Variants in OSBPL9 observed in about 807,000 individuals in gnomAD.
OSBPL9 encodes the protein oxysterol binding protein like 9.
A neutral mutation model predicts 106.6 loss-of-function variants in OSBPL9; 40 were observed. The ratio of observed to expected loss-of-function variants is 0.38; its 90% CI spans 0.29 to 0.49. The LOEUF (loss-of-function observed/expected upper bound fraction) is 0.49, where lower values mean the gene tolerates loss of function less well. Among genes scored for constraint, OSBPL9 ranks in the 20% least tolerant of loss-of-function variants. The pLI is 0.97. For missense variants in OSBPL9, 609 were observed against 887.2 expected, an observed-to-expected ratio of 0.69 and a Z score of 3.98; for synonymous variants, 269 against 295.4, an observed-to-expected ratio of 0.91 and a Z score of 0.92.
upstream of OSBPL9, among the ~76,000 whole-genome samples, chr1:51,574,345 C>T (rs776414166): frequency 2.6e-5 from 4 of 152,156 alleles, no homozygotes; most frequent in Non-Finnish European, 4.4e-5. Flanking sequence ...ACAGGCCGGG[C>T]GCGGTGGCTC....
chr1:51,643,736 C>T (rs895733927), intron 1 of OSBPL9, among the ~76,000 whole-genome samples: 22 of 151,652 alleles, frequency 1.5e-4, no homozygotes, highest in Non-Finnish European at 2.5e-4. Context: ...ACTCCTGGCT[C>T]CTGTGTGGAG....
chr1:51,679,658 C>G (rs1652076181), intron 3 of OSBPL9, among the ~76,000 whole-genome samples: 2 of 152,234 alleles, frequency 1.3e-5, no homozygotes, highest in African/African-American at 4.8e-5. Context: ...GGGTGTGAAT[C>G]ATCCTTTTGT....
At chr1:51,670,609 T>C (rs931353439) in intron 3 of OSBPL9, among the ~76,000 whole-genome samples, 4 of 152,184 alleles carry the variant, frequency 2.6e-5, no homozygotes, top group Non-Finnish European at 4.4e-5. Flanking sequence ...CCTAAACCAG[T>C]GTACTCAATA....
At chr1:51,680,441 T>G (rs1174458305) in intron 3 of OSBPL9, among the ~76,000 whole-genome samples, 2 of 151,206 alleles carry the variant, frequency 1.3e-5, no homozygotes, top group Admixed American at 1.3e-4. Flanking sequence ...GATCACTTGA[T>G]CCCAGGAGTT....
At chr1:51,658,670 C>A (rs1283329098) in intron 2 of OSBPL9, among the ~76,000 whole-genome samples, 1 of 152,042 alleles carries the variant, frequency 6.6e-6, no homozygotes, top group Non-Finnish European at 1.5e-5. Flanking sequence ...CAAGAGAGGT[C>A]GGTGGTGCAC....
chr1:51,646,847 C>A lies in OSBPL9; in HGVS notation c.112-5144C>A, dbSNP rs188108763. Among the ~76,000 whole-genome samples the A allele has an allele frequency of 6.8e-4, 104 of 152,190 alleles. 1 individual carries two copies. The highest frequency in any genetic ancestry group is 1.2e-3 in the South Asian group (6 of 4,820). ...ATTGCACCCAGCCCCCTAGGATTTTCTATATGGAAGGTTATGTCTTCTTCA... is the reference window on the plus strand; with the variant it reads ...ATTGCACCCAGCCCCCTAGGATTTTATATATGGAAGGTTATGTCTTCTTCA... On this transcript the variant is annotated intron_variant, in intron 1 of 23. Transcript: ENST00000428468.
At position 51,603,012 on chromosome 1, in the gene OSBPL9, C is replaced by T. The variant is rs143759065; in HGVS notation, c.-353+4819C>T. ...CTTGGCAAAAAATACAAAAATTAGCCGGGCATGATGGCGTGCACCTGTAGT... is the reference window on the plus strand; with the variant it reads ...CTTGGCAAAAAATACAAAAATTAGCTGGGCATGATGGCGTGCACCTGTAGT... On this transcript the variant is annotated intron_variant, in intron 2 of 25. Coordinates refer to the OSBPL9 transcript ENST00000371714. 2.3e-3 allele frequency among the ~76,000 whole-genome samples: 357 copies of T among 152,056 alleles called. 1 individual carries two copies. The highest frequency in any genetic ancestry group is 8.2e-3 in the African/African-American group (341 of 41,444).
intron 20 of OSBPL9, 189 bp downstream of exon 20, chr1:51,784,771 C>T (rs1677213927): frequency 1.5e-6 from 1 of 668,082 alleles, no homozygotes; most frequent in Admixed American, 3.2e-5. Context: ...ATATTCAGAG[C>T]AGTCAGAGGT....
chr1:51,544,916 T>TC, the OSBPL9 span, among the ~76,000 whole-genome samples: 1 of 142,502 alleles, frequency 7.0e-6, no homozygotes, highest in Non-Finnish European at 1.5e-5. Context: ...TGATCTCGGC[T>TC]CACTGCAACA....
At chr1:51,669,121 A>G (rs1260863685) in intron 2 of OSBPL9, among the ~76,000 whole-genome samples, 1 of 152,204 alleles carries the variant, frequency 6.6e-6, no homozygotes, top group Non-Finnish European at 1.5e-5. Context: ...TCTGAAGTTC[A>G]GAAAGGCTCA....
chr1:51,687,749 A>G (rs974474320), intron 3 of OSBPL9, among the ~76,000 whole-genome samples: 2 of 152,236 alleles, frequency 1.3e-5, no homozygotes, highest in Non-Finnish European at 2.9e-5. Flanking sequence ...AGCTGGAACT[A>G]GATAGATCAT....
chr1:51,631,804 A>C (rs1049362183), intron 1 of OSBPL9, among the ~76,000 whole-genome samples: 1 of 152,206 alleles, frequency 6.6e-6, no homozygotes, highest in Non-Finnish European at 1.5e-5. Flanking sequence ...GCAGCTTGAA[A>C]GCTAAAGGCA....
chr1:51,636,356 TGAGA>T, intron 1 of OSBPL9, among the ~76,000 whole-genome samples: 1 of 151,042 alleles, frequency 6.6e-6, no homozygotes, highest in African/African-American at 2.4e-5. Flanking sequence ...TTTTTCCCTT[TGAGA>T]CAAAGTCTGG....
At chr1:51,523,528 GAATTATACAC>G in the OSBPL9 span, among the ~76,000 whole-genome samples, 1 of 151,936 alleles carries the variant, frequency 6.6e-6, no homozygotes, top group South Asian at 2.1e-4. Flanking sequence ...ACAAAGCTGG[GAATTATACAC>G]AATTATACAC....
chr1:51,617,122 C>T lies in OSBPL9; in HGVS notation c.12C>T (p.Ile4=), dbSNP rs768045904. ...TGGCGGCTCCCAAGATGGCGTCCATCATGGAAGGGCCGCTGAGCAAATGGA... is the reference window on the plus strand; with the variant it reads ...TGGCGGCTCCCAAGATGGCGTCCATTATGGAAGGGCCGCTGAGCAAATGGA... MAS[I]MEGPLSKWTN... Residue 4 remains isoleucine (I), a synonymous_variant, in exon 1 of 24, where the codon ATC becomes ATT. Transcript: ENST00000428468. The T allele has an allele frequency of 4.1e-5, 65 of 1,595,760 alleles. No individual in the cohort carries two copies. Among genetic ancestry groups the T allele is most frequent in the African/African-American group, 1.2e-4 (9 of 74,396 alleles).
At chr1:51,640,800 AT>A (rs35721198) in intron 1 of OSBPL9, among the ~76,000 whole-genome samples, 2,132 of 143,538 alleles carry the variant, frequency 0.015, 37 homozygotes, top group African/African-American at 0.044. Context: ...TGTAAAGATA[AT>A]TTTTTTTTTT....
rs1377333231 is a variant in OSBPL9, at chr1:51,772,079, A to G, written c.948A>G (p.Gly316=). Residue 316 remains glycine (G), a synonymous_variant, in exon 13 of 24, where the codon GGA becomes GGG. Transcript: ENST00000428468. ...SSPKRLIDSS[G]SASVLTHSSS... is the part of the protein sequence containing the mutation. ...ATTAATGTTTTTATAGTTCTTCTGG[A>G]TCTGCCTCAGTCCTGACACACAGCA... 1.2e-6 allele frequency: 2 copies of G among 1,611,068 alleles called. No homozygotes were observed. Among genetic ancestry groups the G allele is most frequent in the Admixed American group, 3.4e-5 (2 of 59,358 alleles).
chr1:51,767,934 G>A (rs1225313924), intron 12 of OSBPL9, among the ~76,000 whole-genome samples: 1 of 104,688 alleles, frequency 9.6e-6, no homozygotes, highest in African/African-American at 3.7e-5. Flanking sequence ...ATTAAAGACC[G>A]TCTTTTTTTT....
chr1:51,752,313 A>T (rs1416684005), intron 8 of OSBPL9, among the ~76,000 whole-genome samples: 1 of 147,618 alleles, frequency 6.8e-6, no homozygotes, highest in East Asian at 2.0e-4. Flanking sequence ...ACAGATTGCC[A>T]CTAGGCTCAC....
Sources: allele counts gnomAD v4.1 joint callset (sites outside exome capture counted in the v4.1 genomes callset), GRCh38; gene constraint gnomAD v4.1.1; transcripts MANE v1.5; gene names NCBI Gene and HGNC (gene_info 2026-07-23, HGNC 2026-07-21).